The following ANO10 variants were observed in gnomAD, a reference collection of about 807,000 sequenced individuals.
ANO10 encodes anoctamin 10.
ANO10 carries 77 observed loss-of-function variants against 74.7 expected under a neutral mutation model. The ratio of observed to expected loss-of-function variants is 1.03; its 90% confidence interval spans 0.86 to 1.25. The LOEUF is 1.25. ANO10 is among the 50% of genes most tolerant of loss of function. ANO10 has a pLI of 0.00. For synonymous variants in ANO10, 279 were observed against 284.9 expected (o/e 0.98, Z 0.21); for missense variants, 721 against 778.1 (o/e 0.93, Z 0.87).
In ANO10 at chr3:43,583,743, C is replaced by T. The variant is rs555845862; in HGVS notation, c.473-3271G>A. 3.9e-5 allele frequency among the ~76,000 whole-genome samples: 6 copies of T among 152,244 alleles called. 1 individual carries two copies. In the South Asian group the frequency reaches 1.2e-3, roughly 32 times the overall value. On this transcript the variant is annotated intron_variant, in intron 4 of 12. Coordinates refer to ENST00000292246, the MANE Select transcript of ANO10 (RefSeq NM_018075.5). ...ACGATGAAGACAGTCCCTGTCCCCA[C>T]AGCTGCTGCTGCACCTAGTACTCTA...
intron 11 of ANO10, chr3:43,485,829 GC>G: frequency 3.5e-6 from 1 of 283,670 alleles, no homozygotes; most frequent in Non-Finnish European, 6.9e-6. Context: ...TCCGGGGTGT[GC>G]AGGCAGCGAC....
intron 5 of ANO10, 57 bp from the exon 6 acceptor site, chr3:43,577,318 C>T: frequency 1.3e-6 from 2 of 1,510,032 alleles, no homozygotes; most frequent in African/African-American, 2.8e-5. Flanking sequence ...TTTAAAAAAT[C>T]ATTTCAAGTA....
At chr3:43,502,111 A>T (rs1447624122) in intron 11 of ANO10, among the ~76,000 whole-genome samples, 1 of 152,222 alleles carries the variant, frequency 6.6e-6, no homozygotes, top group African/African-American at 2.4e-5. Context: ...AAATTCCTCA[A>T]ATAATTAAAA....
chr3:43,573,696 G>A (rs892729719), intron 7 of ANO10, among the ~76,000 whole-genome samples: 11 of 152,074 alleles, frequency 7.2e-5, no homozygotes, highest in African/African-American at 1.9e-4. Flanking sequence ...AAAGAGGCAC[G>A]ACATGTCAGC....
At chr3:43,468,680 T>C in intron 11 of ANO10, among the ~76,000 whole-genome samples, 1 of 151,800 alleles carries the variant, frequency 6.6e-6, no homozygotes, top group East Asian at 1.9e-4. Context: ...ATCTCTTCCC[T>C]AAACATCTCA....
intron 12 of ANO10, among the ~76,000 whole-genome samples, chr3:43,398,941 A>G (rs1274609343): frequency 6.6e-6 from 1 of 152,096 alleles, no homozygotes; most frequent in Non-Finnish European, 1.5e-5. Flanking sequence ...TGATCCTCCC[A>G]CCTCAGTCTC....
At chr3:43,583,058 T>G (rs1487642865) in intron 4 of ANO10, among the ~76,000 whole-genome samples, 1 of 152,188 alleles carries the variant, frequency 6.6e-6, no homozygotes, top group East Asian at 1.9e-4. Flanking sequence ...CAAAGATGAC[T>G]CCATTCTACT....
At chr3:43,669,765 C>T (rs186159204) in intron 1 of ANO10, among the ~76,000 whole-genome samples, 1 of 151,886 alleles carries the variant, frequency 6.6e-6, no homozygotes, top group East Asian at 1.9e-4. Context: ...TTTTGCTCAT[C>T]GCCCAGGCCA....
At chr3:43,513,008 G>A (rs896298468) in intron 11 of ANO10, among the ~76,000 whole-genome samples, 2 of 152,190 alleles carry the variant, frequency 1.3e-5, no homozygotes, top group Admixed American at 6.5e-5. Context: ...CATGGCACCA[G>A]CTGTTTGCAG....
At chr3:43,533,421 TC>T (rs763419763) in intron 11 of ANO10, among the ~76,000 whole-genome samples, 1 of 152,216 alleles carries the variant, frequency 6.6e-6, no homozygotes, top group Non-Finnish European at 1.5e-5. Flanking sequence ...ACTCGAAAGC[TC>T]CCTAATCCAA....
intron 12 of ANO10, among the ~76,000 whole-genome samples, chr3:43,398,592 G>T (rs903646125): frequency 3.3e-5 from 5 of 152,152 alleles, no homozygotes; most frequent in Admixed American, 2.6e-4. Flanking sequence ...ATATTGACTT[G>T]GCACACATGG....
At position 43,600,408 on chromosome 3, in the gene ANO10, TG is replaced by T. The variant is rs1190384991; in HGVS notation, c.312del (p.Arg105AspfsTer15). 1 of 1,613,982 alleles carries T rather than the reference TG, an allele frequency of 6.2e-7. No homozygotes were observed. The highest frequency in any genetic ancestry group is 2.2e-5 in the East Asian group (1 of 44,874). On this transcript the variant is annotated frameshift_variant, in exon 3 of 13. Coordinates refer to ENST00000292246, the MANE Select transcript of ANO10 (RefSeq NM_018075.5). LOFTEE classifies it high-confidence loss of function. ...CCATCAAAACCTTTGAAGTTCTGTC[TG>T]GTTCTGTATGTGAAGGCTCTCATGG... ...DNTMRAFTYRTRQNFKGFDDN... is the reference protein window; with the variant it reads ...DNTMRAFTYRXRQNFKGFDDN...
intron 1 of ANO10, among the ~76,000 whole-genome samples, chr3:43,640,543 A>G (rs757731211): frequency 2.0e-5 from 3 of 152,184 alleles, no homozygotes; most frequent in Non-Finnish European, 4.4e-5. Flanking sequence ...TGCACTAAAA[A>G]GATTCTGGAA....
chr3:43,612,565 T>C (rs989717486), intron 1 of ANO10, among the ~76,000 whole-genome samples: 3 of 152,144 alleles, frequency 2.0e-5, no homozygotes, highest in Non-Finnish European at 4.4e-5. Flanking sequence ...CAGGTGACCC[T>C]GTCTAACCCA....
intron 1 of ANO10, among the ~76,000 whole-genome samples, chr3:43,675,286 A>G (rs1034377587): frequency 9.2e-5 from 14 of 152,214 alleles, no homozygotes; most frequent in Non-Finnish European, 2.1e-4. Context: ...TTAGAAAAAA[A>G]CATAGGAGAA....
At chr3:43,562,224 G>A (rs948175655) in intron 8 of ANO10, among the ~76,000 whole-genome samples, 7 of 151,744 alleles carry the variant, frequency 4.6e-5, no homozygotes, top group East Asian at 1.9e-4. Flanking sequence ...AGGCCGAGGC[G>A]GGCAGATCAC....
intron 12 of ANO10, among the ~76,000 whole-genome samples, chr3:43,403,367 A>G (rs2092518129): frequency 6.6e-6 from 1 of 152,258 alleles, no homozygotes; most frequent in African/African-American, 2.4e-5. Context: ...TACCTAGTGA[A>G]GTGAAACTTA....
intron 11 of ANO10, among the ~76,000 whole-genome samples, chr3:43,443,973 C>T (rs900877578): frequency 6.6e-6 from 1 of 152,062 alleles, no homozygotes; most frequent in Non-Finnish European, 1.5e-5. Context: ...TGAGTCACTG[C>T]ACCCGGATCC....
rs562822934 is a variant in ANO10, at chr3:43,614,149, C to T, written c.-12+7760G>A. 2.6e-5 allele frequency among the ~76,000 whole-genome samples: 4 copies of T among 152,302 alleles called. No homozygotes were observed. In the East Asian group the frequency reaches 5.8e-4, roughly 22 times the overall value. On this transcript the variant is annotated intron_variant, in intron 1 of 12. Transcript: ENST00000292246. ...TCTGGGGACACGCATCAAAGGTCAA[C>T]GTTTTTGAACATTTATGCATTGTTC...
Sources: allele counts gnomAD v4.1 joint callset (sites outside exome capture counted in the v4.1 genomes callset), GRCh38; gene constraint gnomAD v4.1.1; transcripts MANE v1.5; gene names NCBI Gene and HGNC (gene_info 2026-07-23, HGNC 2026-07-21).